Variants in TEX11 observed in about 807,000 individuals in gnomAD.
TEX11 encodes the protein testis-expressed protein 11.
TEX11 carries 7 observed loss-of-function variants against 84.4 expected under a neutral mutation model. That is an observed-to-expected ratio of 0.08 (90% CI 0.05 to 0.16). TEX11 has a LOEUF of 0.16. Among genes scored for constraint, TEX11 ranks in the 10% least tolerant of loss-of-function variants. The pLI is 1.00. For synonymous variants in TEX11, 264 were observed against 222.8 expected, an observed-to-expected ratio of 1.18 and a Z score of -1.64; for missense variants, 551 against 660.5, an observed-to-expected ratio of 0.83 and a Z score of 1.82.
At chrX:70,833,964 T>C (rs1201992208) in intron 7 of TEX11, among the ~76,000 whole-genome samples, 5 of 111,553 alleles carry the variant, frequency 4.5e-5, no homozygotes, top group Non-Finnish European at 9.4e-5. Flanking sequence ...ACAGCAGTCT[T>C]TGTCTTAAAG....
intron 16 of TEX11, among the ~76,000 whole-genome samples, chrX:70,660,736 T>G (rs2089916571): frequency 8.9e-6 from 1 of 112,392 alleles, no homozygotes. Context: ...TTTTATATAC[T>G]CTAAAATAGC....
In TEX11 at chrX:70,878,195, C is replaced by T. The variant is rs1289873609; in HGVS notation, c.159+1793G>A. ...TTTTTTTTTTTTTTTTTTTTTGAGA[C>T]GGAGTCTCGCTCTGTCACCCAGGCT... On this transcript the variant is annotated intron_variant, in intron 3 of 29. Coordinates refer to ENST00000374333, the MANE Select transcript of TEX11 (RefSeq NM_031276.3). 1.3e-4 allele frequency among the ~76,000 whole-genome samples: 9 copies of T among 71,070 alleles called. No homozygotes were observed. The East Asian group carries it at 3.1e-3, about 24-fold the overall frequency. The allele number at this position is 71,070 out of a possible 115,157, so 61.7% of individuals were successfully genotyped here.
At chrX:70,858,420 C>T (rs751659797) in intron 5 of TEX11, among the ~76,000 whole-genome samples, 35 of 97,871 alleles carry the variant, frequency 3.6e-4, no homozygotes, top group African/African-American at 1.3e-3. Flanking sequence ...CCAGCCTGGG[C>T]GACAGAGTGA....
chrX:70,639,509 A>C (rs1003578713), intron 17 of TEX11, among the ~76,000 whole-genome samples: 8 of 112,357 alleles, frequency 7.1e-5, no homozygotes, highest in African/African-American at 1.9e-4. Flanking sequence ...CTGCAGACTT[A>C]ACTGTCCCTG....
At chrX:70,638,338 T>C (rs1455481748) in intron 17 of TEX11, among the ~76,000 whole-genome samples, 1 of 111,513 alleles carries the variant, frequency 9.0e-6, no homozygotes, top group Non-Finnish European at 1.9e-5. Context: ...GGAAGATATA[T>C]TCAAAGTGCC....
intron 15 of TEX11, among the ~76,000 whole-genome samples, chrX:70,673,965 CA>C (rs1290384343): frequency 1.8e-5 from 2 of 111,701 alleles, no homozygotes; most frequent in Non-Finnish European, 3.8e-5. Context: ...ACACATGTCA[CA>C]GGGGTTTGTT....
chrX:70,633,490 C>T (rs2089534411), intron 17 of TEX11, among the ~76,000 whole-genome samples: 1 of 111,768 alleles, frequency 8.9e-6, no homozygotes, highest in South Asian at 3.7e-4. Flanking sequence ...TAAGGATGTC[C>T]ACTCTCATCA....
intron 16 of TEX11, among the ~76,000 whole-genome samples, chrX:70,663,354 A>T (rs1310828266): frequency 9.0e-6 from 1 of 111,662 alleles, no homozygotes; most frequent in East Asian, 2.8e-4. Flanking sequence ...GATAATCCAA[A>T]ATCTCACTCC....
chrX:70,718,703 C>G (rs1242658392), intron 13 of TEX11, among the ~76,000 whole-genome samples: 2 of 111,808 alleles, frequency 1.8e-5, no homozygotes, highest in African/African-American at 6.5e-5. Flanking sequence ...TATTTATTCC[C>G]CAGTTGCTCT....
intron 25 of TEX11, among the ~76,000 whole-genome samples, chrX:70,558,788 C>T (rs1350416836): frequency 9.0e-6 from 1 of 111,409 alleles, no homozygotes; most frequent in African/African-American, 3.3e-5. Flanking sequence ...TATACAATGG[C>T]CAATAACCAT....
rs1295740489 is a variant in TEX11, at chrX:70,853,088, C to A, written c.471G>T (p.Glu157Asp). ...AGTGGTCACTCTCAACAGTAATCTT[C>A]TCCATGGTCAAGTCAGCCTCAGGGG... Reference protein sequence around the residue: ...RSSPEADLTMEKITVESDHFR... With the variant: ...RSSPEADLTMDKITVESDHFR... The change falls in exon 7 of 30, where the codon GAG becomes GAT. Residue 157 changes from glutamate to aspartate, a missense_variant. Physicochemically the swap from Glu to Asp is conservative, Grantham distance 45. Coordinates refer to ENST00000374333, the MANE Select transcript of TEX11 (RefSeq NM_031276.3). The A allele has an allele frequency of 8.3e-7, 1 of 1,208,908 alleles. No individual in the cohort carries two copies. The highest frequency in any genetic ancestry group is 2.2e-5 in the Admixed American group (1 of 45,817).
At chrX:70,566,615 G>A (rs1489312655) in intron 25 of TEX11, among the ~76,000 whole-genome samples, 15 of 111,141 alleles carry the variant, frequency 1.3e-4, no homozygotes, top group East Asian at 5.7e-4. Flanking sequence ...TAGCATGAAG[G>A]GTTGTTGAAT....
intron 25 of TEX11, among the ~76,000 whole-genome samples, chrX:70,588,571 T>C (rs758254110): frequency 6.3e-5 from 7 of 111,628 alleles, no homozygotes; most frequent in Non-Finnish European, 9.4e-5. Context: ...CAATTAAACC[T>C]CTTTCCTTTA....
chrX:70,859,580 CA>C (rs760041212), intron 5 of TEX11, among the ~76,000 whole-genome samples: 9,440 of 34,601 alleles, frequency 0.27, 939 homozygotes, highest in East Asian at 0.5. Flanking sequence ...AGATCCTGTC[CA>C]AAAAAAAAAA....
intron 2 of TEX11, among the ~76,000 whole-genome samples, chrX:70,903,322 G>A (rs1159338063): frequency 9.0e-6 from 1 of 110,993 alleles, no homozygotes; most frequent in Non-Finnish European, 1.9e-5. Flanking sequence ...ATAAATGTAC[G>A]TGCTATAGTT....
At chrX:70,906,232 A>C (rs1237245430) in intron 2 of TEX11, among the ~76,000 whole-genome samples, 2 of 103,180 alleles carry the variant, frequency 1.9e-5, no homozygotes, top group Non-Finnish European at 3.9e-5. Flanking sequence ...AAAATGGTAC[A>C]TGTAATCTTT....
chrX:70,838,891 C>T (rs1185719297), intron 7 of TEX11, among the ~76,000 whole-genome samples: 3 of 112,431 alleles, frequency 2.7e-5, no homozygotes, highest in Non-Finnish European at 5.6e-5. Flanking sequence ...TCATTGCTAG[C>T]ACAGCAGTCC....
In TEX11 at chrX:70,624,758, G is replaced by A. The variant is rs1603159074; in HGVS notation, c.1694+81C>T. 7 of 754,548 alleles carry A rather than the reference G, an allele frequency of 9.3e-6. No homozygotes were observed. The East Asian group carries it at 2.3e-4, about 25-fold the overall frequency. The allele number at this position is 754,548 out of a possible 1,213,427, so 62.2% of individuals were successfully genotyped here. A position where few individuals can be genotyped will look rare whatever the true frequency, so the allele number is the denominator to read the frequency against. On this transcript the variant is annotated intron_variant, in intron 19 of 29. Transcript: ENST00000374333. Reference sequence around the variant, plus strand: ...TATGTAAGTTTCCTTGATCTCAATAGCACTATTTTGGCAGTTTATTGACTA... The same window carrying A: ...TATGTAAGTTTCCTTGATCTCAATAACACTATTTTGGCAGTTTATTGACTA...
chrX:70,862,060 AG>A (rs1315862686), intron 4 of TEX11, among the ~76,000 whole-genome samples: 1 of 106,291 alleles, frequency 9.4e-6, no homozygotes, highest in Non-Finnish European at 1.9e-5. Context: ...GCATGATCAT[AG>A]CTCACTGCAG....
Sources: allele counts gnomAD v4.1 joint callset (sites outside exome capture counted in the v4.1 genomes callset), GRCh38; gene constraint gnomAD v4.1.1; transcripts MANE v1.5; gene names NCBI Gene and HGNC (gene_info 2026-07-23, HGNC 2026-07-21).